Variants in MARCHF4 observed in about 807,000 individuals in gnomAD.
The protein encoded by MARCHF4 is membrane associated ring-CH-type finger 4.
MARCHF4 carries 14 observed loss-of-function variants against 43.9 expected under a neutral mutation model. The observed-to-expected ratio is 0.32, with a 90% CI of 0.21 to 0.50. The LOEUF (loss-of-function observed/expected upper bound fraction) is 0.50. MARCHF4 is among the 20% of genes least tolerant of loss of function. The pLI is 0.98. For missense variants in MARCHF4, 468 were observed against 536.7 expected (o/e 0.87, Z 1.27); for synonymous variants, 226 against 213.3 (o/e 1.06, Z -0.52).
chr2:216,345,647 A>G (rs1692307793), intron 1 of MARCHF4, among the ~76,000 whole-genome samples: 1 of 152,200 alleles, frequency 6.6e-6, no homozygotes, highest in Non-Finnish European at 1.5e-5. Context: ...CCTCCCAGAT[A>G]ATTCTAATAT....
At chr2:216,321,439 G>A (rs537105132) in intron 1 of MARCHF4, 1 of 152,296 alleles carries the variant, frequency 6.6e-6, no homozygotes, top group East Asian at 1.9e-4. Flanking sequence ...CTGTAAGAGG[G>A]GATTGGTCGG....
rs1690684984 is a variant in MARCHF4 at position 216,258,328 on chromosome 2, G to A, written c.*984C>T. On this transcript the variant is annotated 3_prime_UTR_variant, in exon 4 of 4. Transcript: ENST00000273067. ...CCGTAGGTCAGGGGTGCCCTACCGT[G>A]AGGGGACTGGGTCTGTGCATGTGCC... 6.5e-6 allele frequency: 1 copy of A among 152,676 alleles called. No individual in the cohort carries two copies. Among genetic ancestry groups the A allele is most frequent in the South Asian group, 2.1e-4 (1 of 4,822 alleles). The allele number at this position is 152,676 out of a possible 1,614,324, so 9.5% of individuals were successfully genotyped here.
chr2:216,330,245 T>C (rs1222537470), intron 1 of MARCHF4, among the ~76,000 whole-genome samples: 1 of 152,194 alleles, frequency 6.6e-6, no homozygotes, highest in Non-Finnish European at 1.5e-5. Flanking sequence ...AATGATAGTG[T>C]GATAGTGTGG....
Position 216,302,224 on chromosome 2 carries a change from A to T in MARCHF4, c.517-18495T>A, listed in dbSNP as rs372095066. 5.3e-5 allele frequency among the ~76,000 whole-genome samples: 8 copies of T among 152,196 alleles called. No individual in the cohort carries two copies. In the East Asian group the frequency reaches 1.4e-3, roughly 26 times the overall value. ...CATTTTGATATTTATTTTCAAAAAA[A>T]AATTTTTTTTTTGAGACGGAGTCTC... On this transcript the variant is annotated intron_variant, in intron 1 of 3. Coordinates refer to ENST00000273067, the MANE Select transcript of MARCHF4 (RefSeq NM_020814.3).
intron 1 of MARCHF4, among the ~76,000 whole-genome samples, chr2:216,354,911 C>G (rs1456996380): frequency 4.8e-5 from 4 of 82,740 alleles, no homozygotes; most frequent in Admixed American, 3.9e-4. Flanking sequence ...TTCTTTCTTT[C>G]TTTCTTTCTT....
chr2:216,335,620 G>A lies in MARCHF4; in HGVS notation c.516+34125C>T, dbSNP rs79715493. ...GGATCTGAGGACTTAGTAGCAGTTTGCAGAAGAGTTGACAAAAAAGAGTAA... is the reference window on the plus strand; with the variant it reads ...GGATCTGAGGACTTAGTAGCAGTTTACAGAAGAGTTGACAAAAAAGAGTAA... On this transcript the variant is annotated intron_variant, in intron 1 of 3. Transcript: ENST00000273067. Among the ~76,000 whole-genome samples the A allele has an allele frequency of 8.6e-3, 1,304 of 152,264 alleles. 19 individuals carry two copies. The highest frequency in any genetic ancestry group is 0.03 in the African/African-American group (1,227 of 41,544).
intron 1 of MARCHF4, among the ~76,000 whole-genome samples, chr2:216,332,434 T>G (rs1292885868): frequency 1.3e-5 from 2 of 148,418 alleles, no homozygotes; most frequent in African/African-American, 5.0e-5. Flanking sequence ...AGAAAAAAAC[T>G]AAAAACCCGA....
At chr2:216,341,710 C>A (rs114325811) in intron 1 of MARCHF4, among the ~76,000 whole-genome samples, 5 of 152,194 alleles carry the variant, frequency 3.3e-5, no homozygotes, top group Admixed American at 2.6e-4. Flanking sequence ...AAATCTTTAA[C>A]AACTGGACCT....
chr2:216,308,046 A>C (rs1574470941), intron 1 of MARCHF4, among the ~76,000 whole-genome samples: 1 of 152,202 alleles, frequency 6.6e-6, no homozygotes, highest in African/African-American at 2.4e-5. Flanking sequence ...ACAAAGCGAG[A>C]CCCTATCTCA....
chr2:216,309,395 C>A (rs1398359059), intron 1 of MARCHF4, among the ~76,000 whole-genome samples: 1 of 152,184 alleles, frequency 6.6e-6, no homozygotes, highest in South Asian at 2.1e-4. Flanking sequence ...AACACAGGCA[C>A]GATCTCCCTA....
intron 1 of MARCHF4, among the ~76,000 whole-genome samples, chr2:216,332,519 CAA>C (rs375668256): frequency 6.7e-6 from 1 of 148,246 alleles, no homozygotes. Flanking sequence ...CGTGCCAGTG[CAA>C]AAAAAAAGGT....
intron 1 of MARCHF4, among the ~76,000 whole-genome samples, chr2:216,337,149 C>G (rs932613524): frequency 6.9e-6 from 1 of 145,286 alleles, no homozygotes; most frequent in African/African-American, 2.6e-5. Flanking sequence ...AAGACTCCCT[C>G]TTGAAAAAAA....
At position 216,370,839 on chromosome 2, in the gene MARCHF4, T is replaced by C. The variant is rs1692748396; in HGVS notation, c.-579A>G. ...GAGAGAAAAGATCGTTTTTCTCAGG[T>C]GGTAGGGGTTGGGGGAGTCAAGGTA... On this transcript the variant is annotated 5_prime_UTR_variant, in exon 1 of 4. Coordinates refer to ENST00000273067, the MANE Select transcript of MARCHF4 (RefSeq NM_020814.3). 6.6e-6 allele frequency: 1 copy of C among 151,288 alleles called. No homozygotes were observed. The allele number at this position is 151,288 out of a possible 1,614,324, so 9.4% of individuals were successfully genotyped here.
At chr2:216,307,122 C>T (rs1287231845) in intron 1 of MARCHF4, among the ~76,000 whole-genome samples, 1 of 152,168 alleles carries the variant, frequency 6.6e-6, no homozygotes, top group Non-Finnish European at 1.5e-5. Flanking sequence ...ACAGCGGCCC[C>T]AGGAACCACC....
intron 1 of MARCHF4, among the ~76,000 whole-genome samples, chr2:216,333,465 C>T (rs113731615): frequency 1.5e-3 from 232 of 152,290 alleles, no homozygotes; most frequent in Non-Finnish European, 2.1e-3. Context: ...TGGATTGACT[C>T]ACATTAAAAT....
intron 1 of MARCHF4, among the ~76,000 whole-genome samples, chr2:216,314,053 G>C (rs776137489): frequency 3.3e-5 from 5 of 152,194 alleles, no homozygotes; most frequent in Non-Finnish European, 5.9e-5. Context: ...GGGATTATAA[G>C]ACAGCTAGTC....
intron 1 of MARCHF4, among the ~76,000 whole-genome samples, chr2:216,344,728 G>A (rs1692288846): frequency 6.6e-6 from 1 of 151,888 alleles, no homozygotes; most frequent in South Asian, 2.1e-4. Flanking sequence ...GGTGTTAAAG[G>A]CTTGCCTGCA....
At chr2:216,263,493 AAG>A (rs150783185) in intron 3 of MARCHF4, among the ~76,000 whole-genome samples, 20 of 58,882 alleles carry the variant, frequency 3.4e-4, no homozygotes, top group African/African-American at 7.4e-4. Context: ...AGGAGAGAGA[AAG>A]AGAGAGAGAG....
At chr2:216,347,595 G>T (rs1392173754) in intron 1 of MARCHF4, among the ~76,000 whole-genome samples, 1 of 152,094 alleles carries the variant, frequency 6.6e-6, no homozygotes, top group Non-Finnish European at 1.5e-5. Context: ...GGGCGTGGTG[G>T]TGGGCGCCTG....
Sources: gnomAD v4.1 joint callset for allele counts (sites outside exome capture counted in the v4.1 genomes callset) on GRCh38, gnomAD v4.1.1 for gene constraint, MANE v1.5 for transcripts, NCBI Gene and HGNC (gene_info 2026-07-23, HGNC 2026-07-21) for gene names.